Variants in SLX9 observed in about 807,000 individuals in gnomAD.
SLX9 encodes SLX9 ribosome biogenesis factor, also known as ribosome biogenesis protein SLX9 homolog.
A neutral mutation model predicts 20.8 loss-of-function variants in SLX9; 19 were observed. That is an observed-to-expected ratio of 0.91 (90% CI 0.64 to 1.34). The LOEUF is 1.34. Ranked by LOEUF, SLX9 falls within the 40% of genes most tolerant of loss-of-function variation. The pLI is 0.00. For missense variants in SLX9, 299 were observed against 322.2 expected (o/e 0.93, Z 0.55); for synonymous variants, 113 against 137.1 (o/e 0.82, Z 1.23).
intron 2 of SLX9, among the ~76,000 whole-genome samples, chr21:44,948,449 C>CGCTTAGAATTGGATTTCTA (rs1306428680): frequency 1.3e-5 from 2 of 152,168 alleles, no homozygotes; most frequent in East Asian, 3.9e-4. Flanking sequence ...TCATGGAGCA[C>CGCTTAGAATTGGATTTCTA]GCTTAGAATT....
intron 2 of SLX9, among the ~76,000 whole-genome samples, chr21:44,958,668 G>GC (rs2084901902): frequency 2.0e-5 from 3 of 152,258 alleles, no homozygotes; most frequent in Non-Finnish European, 2.9e-5. Flanking sequence ...CAGCAAGGGC[G>GC]CCTTGGGCCC....
At position 44,965,854 on chromosome 21, in the gene SLX9, C is replaced by T. The variant is rs549960404; in HGVS notation, c.353-1180C>T. On this transcript the variant is annotated intron_variant, in intron 3 of 5. Coordinates refer to ENST00000291634, the MANE Select transcript of SLX9 (RefSeq NM_058190.4). ...AGCCATCTGGCCTGGCCCGCCCCTC[C>T]CTACCCCAGCTTCCAGGGTGCCCTG... is the stretch of plus-strand genomic sequence containing the variant. Among the ~76,000 whole-genome samples, 4 of 152,284 alleles carry T rather than the reference C, an allele frequency of 2.6e-5. No individual in the cohort carries two copies. In the South Asian group the frequency reaches 6.2e-4, roughly 24 times the overall value.
intron 2 of SLX9, among the ~76,000 whole-genome samples, chr21:44,945,576 C>T (rs1601373212): frequency 6.6e-6 from 1 of 152,372 alleles, no homozygotes; most frequent in East Asian, 1.9e-4. Context: ...ACGCTCACGA[C>T]CCGTCTTGCC....
At chr21:44,971,054 C>T (rs930180681) in intron 4 of SLX9, among the ~76,000 whole-genome samples, 6 of 95,708 alleles carry the variant, frequency 6.3e-5, no homozygotes, top group African/African-American at 1.4e-4. Flanking sequence ...CACTTGACTC[C>T]GGTGACCCCC....
chr21:44,971,089 G>A (rs1039833725), intron 4 of SLX9, among the ~76,000 whole-genome samples: 9 of 151,936 alleles, frequency 5.9e-5, no homozygotes, highest in Non-Finnish European at 1.3e-4. Context: ...CACCTCCTGT[G>A]TGCGCTTTGT....
chr21:44,957,087 G>T (rs1167070166), intron 2 of SLX9, among the ~76,000 whole-genome samples: 1 of 152,218 alleles, frequency 6.6e-6, no homozygotes, highest in Non-Finnish European at 1.5e-5. Context: ...CTGTACCTGC[G>T]TGCACCCATC....
At chr21:44,942,525 C>T (rs1372429307) in intron 1 of SLX9, among the ~76,000 whole-genome samples, 1 of 152,220 alleles carries the variant, frequency 6.6e-6, no homozygotes, top group African/African-American at 2.4e-5. Flanking sequence ...CTGCCTTCTA[C>T]CTCATCTGCA....
At chr21:44,956,208 T>C (rs2084855276) in intron 2 of SLX9, among the ~76,000 whole-genome samples, 2 of 152,250 alleles carry the variant, frequency 1.3e-5, no homozygotes. Flanking sequence ...GTAGTTCTTT[T>C]GAATTTGTTC....
At chr21:44,976,364 T>C (rs1014094649) in intron 5 of SLX9, among the ~76,000 whole-genome samples, 1 of 152,078 alleles carries the variant, frequency 6.6e-6, no homozygotes, top group Admixed American at 6.5e-5. Context: ...AAGGAGTGAG[T>C]CTGCAGGGCT....
chr21:44,941,201 T>G (rs960110482), intron 1 of SLX9, among the ~76,000 whole-genome samples: 4 of 152,240 alleles, frequency 2.6e-5, no homozygotes, highest in Admixed American at 2.6e-4. Context: ...ATATTTATAA[T>G]GCCTACTCTG....
intron 2 of SLX9, among the ~76,000 whole-genome samples, chr21:44,951,891 A>C (rs866616947): frequency 2.3e-5 from 3 of 131,648 alleles, no homozygotes; most frequent in African/African-American, 4.4e-5. Context: ...GTTTATCCTC[A>C]TAGAACTTTG....
At chr21:44,968,589 T>C (rs1363697536) in intron 4 of SLX9, among the ~76,000 whole-genome samples, 1 of 152,192 alleles carries the variant, frequency 6.6e-6, no homozygotes, top group Admixed American at 6.5e-5. Context: ...GCCTCTGCCC[T>C]TCCCCTGTGG....
At chr21:44,950,396 G>A (rs949194848) in intron 2 of SLX9, among the ~76,000 whole-genome samples, 2 of 152,236 alleles carry the variant, frequency 1.3e-5, no homozygotes, top group African/African-American at 4.8e-5. Flanking sequence ...CTGTGGAAGC[G>A]AGGCTTGGGG....
chr21:44,958,730 G>A (rs542838742), intron 2 of SLX9, among the ~76,000 whole-genome samples: 2 of 152,322 alleles, frequency 1.3e-5, no homozygotes, highest in South Asian at 2.1e-4. Context: ...AGTTCCAGGC[G>A]GCCTCTGCTC....
At chr21:44,974,023 G>A (rs1414750690) in intron 5 of SLX9, among the ~76,000 whole-genome samples, 1 of 152,226 alleles carries the variant, frequency 6.6e-6, no homozygotes, top group Non-Finnish European at 1.5e-5. Context: ...CCAGTTAGCA[G>A]GGCTAGGACA....
intron 2 of SLX9, among the ~76,000 whole-genome samples, chr21:44,947,849 C>G (rs2084672068): frequency 6.6e-6 from 1 of 152,232 alleles, no homozygotes; most frequent in Non-Finnish European, 1.5e-5. Context: ...CCCAGCAGGA[C>G]TCAGCTTTGC....
In SLX9 at chr21:44,943,782, C is replaced by A. The variant is rs374466447; in HGVS notation, c.228C>A (p.Ser76=). 6.2e-7 allele frequency: 1 copy of A among 1,613,996 alleles called. No individual in the cohort carries two copies. Among genetic ancestry groups the A allele is most frequent in the African/African-American group, 1.3e-5 (1 of 74,936 alleles). Residue 76 remains serine (S), a synonymous_variant, in exon 2 of 6, where the codon TCC becomes TCA. Transcript: ENST00000291634. The part of the protein sequence containing the change: ...KLELDVRSVT[S]VRRGEAGSSA... ...AGCTGGACGTGAGGAGTGTCACTTC[C>A]GTCAGGAGAGGTGAGGCAGGCTCGA...
intron 2 of SLX9, among the ~76,000 whole-genome samples, chr21:44,949,916 C>G (rs1041505574): frequency 2.3e-4 from 35 of 152,198 alleles, no homozygotes; most frequent in African/African-American, 8.4e-4. Flanking sequence ...GGCCGTCCCT[C>G]TGCCCTGGTG....
At chr21:44,955,007 A>T (rs2084828675) in intron 2 of SLX9, among the ~76,000 whole-genome samples, 1 of 152,026 alleles carries the variant, frequency 6.6e-6, no homozygotes, top group African/African-American at 2.4e-5. Flanking sequence ...TGAGGTCAGG[A>T]GTTTGAGACC....
Sources: allele counts gnomAD v4.1 joint callset (sites outside exome capture counted in the v4.1 genomes callset), GRCh38; gene constraint gnomAD v4.1.1; transcripts MANE v1.5; gene names NCBI Gene and HGNC (gene_info 2026-07-23, HGNC 2026-07-21).